VPS11: variants seen among roughly 807,000 people sequenced by gnomAD.
The protein encoded by VPS11 is vacuolar protein sorting-associated protein 11 homolog.
Under a neutral mutation model 106.8 loss-of-function variants are expected in VPS11, and 51 were observed. The observed-to-expected ratio is 0.48, with a 90% CI of 0.38 to 0.60. The LOEUF (loss-of-function observed/expected upper bound fraction) is 0.60, where lower values mean the gene tolerates loss of function less well. Ranked by LOEUF, VPS11 falls within the 20% of genes least tolerant of loss-of-function variation. The pLI is 0.00. For missense variants in VPS11, 950 were observed against 1,190.0 expected, an observed-to-expected ratio of 0.80 and a Z score of 2.97; for synonymous variants, 453 against 458.7, an observed-to-expected ratio of 0.99 and a Z score of 0.16.
chr11:119,078,387 C>G (rs949424183), intron 11 of VPS11, 53 bp downstream of exon 11: 4 of 1,594,002 alleles, frequency 2.5e-6, no homozygotes, highest in South Asian at 1.1e-5. Flanking sequence ...CGTCTCCATT[C>G]TTCCGTCTTG....
At chr11:119,076,459 G>C (rs1318960644) in intron 7 of VPS11, among the ~76,000 whole-genome samples, 2 of 151,900 alleles carry the variant, frequency 1.3e-5, no homozygotes, top group Non-Finnish European at 1.5e-5. Flanking sequence ...CTGGGAGGCA[G>C]AGGTTGCGGT....
At chr11:119,074,593 C>T (rs1256633055) in intron 7 of VPS11, among the ~76,000 whole-genome samples, 1 of 152,050 alleles carries the variant, frequency 6.6e-6, no homozygotes, top group South Asian at 2.1e-4. Flanking sequence ...TTAGTAGAGA[C>T]GGGGTTTCAC....
intron 5 of VPS11, chr11:119,072,880 T>G: frequency 3.7e-6 from 1 of 273,098 alleles, no homozygotes; most frequent in Non-Finnish European, 7.0e-6. Flanking sequence ...CTGGTTTGTT[T>G]TGCTTTCATT....
chr11:119,078,731 A>G, intron 12 of VPS11, 27 bp downstream of exon 12: 3 of 1,609,280 alleles, frequency 1.9e-6, no homozygotes, highest in Non-Finnish European at 2.5e-6. Context: ...TTTCAGGGAA[A>G]GGGGAAGAAT....
chr11:119,069,421 A>C (rs1242842251), intron 2 of VPS11, 21 bp from the exon 3 acceptor site: 2 of 1,613,908 alleles, frequency 1.2e-6, no homozygotes, highest in Admixed American at 1.7e-5. Flanking sequence ...TAGCATTTAC[A>C]CTTCTGAGGT....
chr11:119,073,515 C>A, intron 6 of VPS11, 116 bp downstream of exon 6: 1 of 1,297,572 alleles, frequency 7.7e-7, no homozygotes, highest in Non-Finnish European at 1.0e-6. Context: ...CAGCCTTACT[C>A]AGCTTCCTTA....
intron 1 of VPS11, chr11:119,068,314 T>C (rs1945199409): frequency 2.5e-6 from 1 of 402,004 alleles, no homozygotes; most frequent in African/African-American, 2.1e-5. Flanking sequence ...CAAGTTGGCT[T>C]TAAAAGATGA....
chr11:119,081,168 G>A lies in VPS11; in HGVS notation c.2515G>A (p.Gly839Ser). ...LELPSVHFLC[G>S]HSFHQHCFES... ...GTTGCCCTCAGTCCACTTCCTGTGT[G>A]GCCACTCCTTCCACCAACACTGCTT... Residue 839 changes from glycine (G) to serine (S), a missense_variant, in exon 15 of 16, where the codon GGC becomes AGC. Physicochemically the swap from Gly to Ser is moderately conservative, Grantham distance 56. Around this residue, in one of 3 missense-constraint regions of VPS11, gnomAD observed 453 missense variants for 514.6 expected, o/e 0.88. Transcript: ENST00000621676. The A allele has an allele frequency of 6.2e-7, 1 of 1,614,004 alleles. No individual in the cohort carries two copies. Among genetic ancestry groups the A allele is most frequent in the Middle Eastern group, 1.6e-4 (1 of 6,062 alleles).
chr11:119,071,730 G>C lies in VPS11; in HGVS notation c.771G>C (p.Leu257Phe), dbSNP rs1460767019. Residue 257 changes from leucine to phenylalanine, a missense_variant, in exon 5 of 16, where the codon TTG becomes TTC. Transcript: ENST00000621676. Reference sequence around the variant, plus strand: ...TGGCCGGGGATGAGTGTGTCTACTTGTACCAGCCTGATGAACGTGGGCCCT... The same window carrying C: ...TGGCCGGGGATGAGTGTGTCTACTTCTACCAGCCTGATGAACGTGGGCCCT... ...FIVAGDECVY[L>F]YQPDERGPCF... 1 of 1,613,994 alleles carries C rather than the reference G, an allele frequency of 6.2e-7. No homozygotes were observed. The highest frequency in any genetic ancestry group is 1.1e-5 in the South Asian group (1 of 91,072).
chr11:119,078,410 C>G, intron 11 of VPS11, 76 bp downstream of exon 11: 2 of 1,583,398 alleles, frequency 1.3e-6, no homozygotes, highest in South Asian at 1.1e-5. Context: ...GGCTGCCTTT[C>G]ACTGCATTCC....
At chr11:119,069,890 A>G (rs1245129706) in intron 3 of VPS11, among the ~76,000 whole-genome samples, 2 of 151,970 alleles carry the variant, frequency 1.3e-5, no homozygotes, top group Non-Finnish European at 2.9e-5. Context: ...CCCAGCTACT[A>G]GGGAGGCTGC....
Position 119,073,204 on chromosome 11 carries a change from G to A in VPS11, c.891G>A (p.Glu297=), listed in dbSNP as rs781977087. 6.2e-7 allele frequency: 1 copy of A among 1,612,648 alleles called. No homozygotes were observed. The highest frequency in any genetic ancestry group is 1.1e-5 in the South Asian group (1 of 90,778). Residue 297 remains glutamate, a synonymous_variant, in exon 6 of 16, where the codon GAG becomes GAA. Coordinates refer to ENST00000621676, the MANE Select transcript of VPS11 (RefSeq NM_021729.6). The stretch of plus-strand genomic sequence containing the variant: ...CTTTTTCTTTCCTATGCAGGTCAGA[G>A]TTTACCAGCAGGGATTCACAGAGCT... ...SRDRKVSPKS[E]FTSRDSQSSD...
chr11:119,079,020 G>C, intron 13 of VPS11, 23 bp downstream of exon 13: 1 of 1,613,480 alleles, frequency 6.2e-7, no homozygotes, highest in Admixed American at 1.7e-5. Flanking sequence ...ACAGATGGGT[G>C]GGTGACAAGC....
chr11:119,079,186 T>C lies in VPS11; in HGVS notation c.2324T>C (p.Leu775Pro). 6.2e-7 allele frequency: 1 copy of C among 1,613,746 alleles called. No individual in the cohort carries two copies. The highest frequency in any genetic ancestry group is 8.5e-7 in the Non-Finnish European group (1 of 1,179,784). The change falls in exon 14 of 16, where the codon CTG (leucine) becomes CCG (proline). Residue 775 changes from leucine (L) to proline (P), a missense_variant. Physicochemically the swap from Leu to Pro is moderately conservative, Grantham distance 98. Transcript: ENST00000621676. The stretch of plus-strand genomic sequence containing the variant: ...ACACTCTCCGTCATCAGGGACTACC[T>C]GGTCCAAAAACTACAGAAACAGAGC... ...TATLSVIRDY[L>P]VQKLQKQSQQ...
chr11:119,073,742 G>A (rs997310604), intron 6 of VPS11, 58 bp from the exon 7 acceptor site: 1 of 1,563,850 alleles, frequency 6.4e-7, no homozygotes, highest in Non-Finnish European at 8.8e-7. Flanking sequence ...CGCACATTTT[G>A]GGAAAGTGTC....
chr11:119,073,618 C>T (rs1367874499), intron 6 of VPS11, 182 bp from the exon 7 acceptor site: 6 of 890,204 alleles, frequency 6.7e-6, no homozygotes, highest in Non-Finnish European at 5.0e-6. Context: ...CACTTTGTTT[C>T]CAGAGAACCT....
chr11:119,069,059 C>G (rs376897352), intron 1 of VPS11, 137 bp from the exon 2 acceptor site: 1 of 985,488 alleles, frequency 1.0e-6, no homozygotes, highest in East Asian at 3.5e-5. Context: ...CGCGCCTGGC[C>G]TCACTCTTTT....
Position 119,069,435 on chromosome 11 carries a change from T to C in VPS11, c.337-7T>C. The C allele has an allele frequency of 6.2e-7, 1 of 1,613,980 alleles. No homozygotes were observed. The highest frequency in any genetic ancestry group is 8.5e-7 in the Non-Finnish European group (1 of 1,179,870). ...CTAGCATTTACACTTCTGAGGTCTG[T>C]CCACAGGTTAAGATCTGGAACCTGG... On this transcript the variant is annotated splice_region_variant and splice_polypyrimidine_tract_variant and intron_variant, in intron 2 of 15. Coordinates refer to ENST00000621676, the MANE Select transcript of VPS11 (RefSeq NM_021729.6).
chr11:119,075,879 G>A (rs1165859982), intron 7 of VPS11, among the ~76,000 whole-genome samples: 1 of 149,774 alleles, frequency 6.7e-6, no homozygotes, highest in Non-Finnish European at 1.5e-5. Flanking sequence ...TCCAGCCTGG[G>A]CAACAGAGCA....
Sources: allele counts gnomAD v4.1 joint callset (sites outside exome capture counted in the v4.1 genomes callset), GRCh38; gene constraint gnomAD v4.1.1; regional missense constraint gnomAD v4.1.1; transcripts MANE v1.5; gene names NCBI Gene and HGNC (gene_info 2026-07-23, HGNC 2026-07-21).